TRA2A: variants seen among roughly 807,000 people sequenced by gnomAD.
TRA2A encodes transformer-2 protein homolog alpha.
Under a neutral mutation model 45.7 loss-of-function variants are expected in TRA2A, and 31 were observed. The observed-to-expected ratio is 0.68, with a 90% CI of 0.51 to 0.92. The LOEUF (loss-of-function observed/expected upper bound fraction) is 0.92, where lower values mean the gene tolerates loss of function less well. Ranked by LOEUF, TRA2A falls within the 40% of genes least tolerant of loss-of-function variation. The pLI, the probability that TRA2A is intolerant of heterozygous loss-of-function variation, is 0.00. For missense variants in TRA2A, 304 were observed against 367.5 expected (o/e 0.83, Z 1.41); for synonymous variants, 132 against 126.2 (o/e 1.05, Z -0.31).
intron 1 of TRA2A, 130 bp downstream of exon 1, chr7:23,531,659 G>A (rs1194346652): frequency 2.2e-6 from 2 of 925,394 alleles, no homozygotes; most frequent in Admixed American, 2.2e-5. Flanking sequence ...GGGATGGGAG[G>A]AATCAATCGC....
At chr7:23,507,576 G>T in intron 4 of TRA2A, 41 bp from the exon 5 acceptor site, 1 of 1,349,230 alleles carries the variant, frequency 7.4e-7, no homozygotes, top group Non-Finnish European at 1.1e-6. Context: ...TAATTCACCA[G>T]TCTTGAAGTA....
At chr7:23,511,245 T>C (rs1243876101) in intron 4 of TRA2A, among the ~76,000 whole-genome samples, 1 of 150,688 alleles carries the variant, frequency 6.6e-6, no homozygotes, top group Admixed American at 6.6e-5. Flanking sequence ...GTGGCGGGCG[T>C]CTGTAGTCCC....
intron 3 of TRA2A, among the ~76,000 whole-genome samples, chr7:23,514,568 T>G (rs576931801): frequency 1.3e-5 from 2 of 152,152 alleles, no homozygotes; most frequent in Non-Finnish European, 2.9e-5. Flanking sequence ...TCTGTAATTG[T>G]TGATTTAGAC....
intron 1 of TRA2A, chr7:23,531,162 G>A: frequency 2.1e-6 from 2 of 965,094 alleles, no homozygotes; most frequent in Non-Finnish European, 2.5e-6. Flanking sequence ...CTTAAGGGTC[G>A]GTGCGGTCGT....
chr7:23,520,488 G>C (rs972166133), intron 2 of TRA2A, among the ~76,000 whole-genome samples: 2 of 152,148 alleles, frequency 1.3e-5, no homozygotes, highest in Non-Finnish European at 1.5e-5. Context: ...TAACTGAGTA[G>C]TAAGTAATCA....
intron 4 of TRA2A, 121 bp downstream of exon 4, chr7:23,512,773 T>TAA (rs201252500): frequency 9.5e-4 from 668 of 703,914 alleles, no homozygotes; most frequent in East Asian, 3.6e-3. Context: ...ATCCTATCTT[T>TAA]AAAAAAAAAA....
chr7:23,506,360 A>G, intron 5 of TRA2A, 94 bp from the exon 6 acceptor site: 4 of 1,364,768 alleles, frequency 2.9e-6, no homozygotes, highest in Non-Finnish European at 2.9e-6. Flanking sequence ...GAGAAAAGTG[A>G]GGAAGAACAT....
chr7:23,517,314 C>G (rs1394061572), intron 2 of TRA2A, among the ~76,000 whole-genome samples: 1 of 149,162 alleles, frequency 6.7e-6, no homozygotes, highest in Non-Finnish European at 1.5e-5. Context: ...AACCCCTCTA[C>G]TAAAAATACA....
chr7:23,531,869 C>T lies in TRA2A; in HGVS notation c.-45G>A, dbSNP rs771418524. 11 of 1,609,298 alleles carry T rather than the reference C, an allele frequency of 6.8e-6. No homozygotes were observed. Among genetic ancestry groups the T allele is most frequent in the Non-Finnish European group, 8.5e-6 (10 of 1,177,572 alleles). On this transcript the variant is annotated 5_prime_UTR_variant, in exon 1 of 8. Coordinates refer to ENST00000297071, the MANE Select transcript of TRA2A (RefSeq NM_013293.5). ...GAACTAAATAAGAGACAAGTCTCGG[C>T]TCGAGGGCCGATGGCCTAATTAACC...
intron 1 of TRA2A, among the ~76,000 whole-genome samples, chr7:23,523,136 C>CCA (rs1264267507): frequency 1.3e-5 from 2 of 152,154 alleles, no homozygotes; most frequent in African/African-American, 4.8e-5. Context: ...CCACGACATA[C>CCA]CACAATGTGC....
intron 5 of TRA2A, 87 bp downstream of exon 5, chr7:23,507,333 T>G: frequency 9.6e-7 from 1 of 1,042,754 alleles, no homozygotes; most frequent in South Asian, 1.4e-5. Context: ...CAATTCTAAT[T>G]ATAGGAAAAA....
chr7:23,521,852 G>C lies in TRA2A; in HGVS notation c.37-12C>G. Reference sequence around the variant, plus strand: ...TGAGAGCGAGACTCCTAACAAAGAAGACAGTATTACAAATGGCACTGGTCA... The same window carrying C: ...TGAGAGCGAGACTCCTAACAAAGAACACAGTATTACAAATGGCACTGGTCA... On this transcript the variant is annotated splice_polypyrimidine_tract_variant and intron_variant, in intron 1 of 7. Coordinates refer to ENST00000297071, the MANE Select transcript of TRA2A (RefSeq NM_013293.5). 6.2e-7 allele frequency: 1 copy of C among 1,614,004 alleles called. No homozygotes were observed.
intron 5 of TRA2A, chr7:23,506,614 A>G (rs1465884847): frequency 4.2e-6 from 1 of 235,302 alleles, no homozygotes; most frequent in East Asian, 8.7e-5. Flanking sequence ...AGACTGGTAA[A>G]TAAATAAATA....
chr7:23,511,496 A>C (rs1299153237), intron 4 of TRA2A, among the ~76,000 whole-genome samples: 4 of 151,454 alleles, frequency 2.6e-5, no homozygotes, highest in African/African-American at 9.7e-5. Context: ...ATTAATTTAA[A>C]AGACAGAAGG....
intron 1 of TRA2A, among the ~76,000 whole-genome samples, chr7:23,528,234 C>T (rs1466504355): frequency 6.6e-6 from 1 of 152,036 alleles, no homozygotes; most frequent in Non-Finnish European, 1.5e-5. Context: ...GTTTTTGAGA[C>T]GAGTCTCGCT....
rs777557247 is a variant in TRA2A at position 23,506,174 on chromosome 7, C to A, written c.734G>T (p.Gly245Val). Residue 245 changes from glycine to valine, a missense_variant, in exon 6 of 8, where the codon GGG (glycine) becomes GTG (valine). By Grantham distance (109) the Gly-to-Val change is moderately radical. Around this residue, in one of 3 missense-constraint regions of TRA2A, gnomAD observed 130 missense variants for 217.1 expected, o/e 0.60. Coordinates refer to ENST00000297071, the MANE Select transcript of TRA2A (RefSeq NM_013293.5). Reference protein sequence around the residue: ...DSYYDRGYDRGYDRYEDYDYR... With the variant: ...DSYYDRGYDRVYDRYEDYDYR... ...ATCATAGTCTTCATATCTGTCATAC[C>A]CACGATCATATCCTCTATCATAGTA... is the stretch of plus-strand genomic sequence containing the variant. The A allele has an allele frequency of 1.2e-6, 2 of 1,613,118 alleles. No homozygotes were observed. The highest frequency in any genetic ancestry group is 1.7e-5 in the Admixed American group (1 of 59,946).
chr7:23,527,993 C>A (rs959761984), intron 1 of TRA2A, among the ~76,000 whole-genome samples: 4 of 151,978 alleles, frequency 2.6e-5, no homozygotes, highest in Non-Finnish European at 4.4e-5. Context: ...AATGATAGTA[C>A]TTAAATTTAG....
At chr7:23,523,018 C>G (rs1259149698) in intron 1 of TRA2A, among the ~76,000 whole-genome samples, 1 of 152,166 alleles carries the variant, frequency 6.6e-6, no homozygotes, top group East Asian at 1.9e-4. Context: ...TGAAGACAAA[C>G]ATACCGAAAA....
At chr7:23,521,645 C>T in intron 2 of TRA2A, 62 bp downstream of exon 2, 1 of 1,580,310 alleles carries the variant, frequency 6.3e-7, no homozygotes, top group Non-Finnish European at 8.6e-7. Context: ...ATGCAGCCAA[C>T]AACTGCTTTG....
Sources: allele counts gnomAD v4.1 joint callset (sites outside exome capture counted in the v4.1 genomes callset), GRCh38; gene constraint gnomAD v4.1.1; regional missense constraint gnomAD v4.1.1; transcripts MANE v1.5; gene names NCBI Gene and HGNC (gene_info 2026-07-23, HGNC 2026-07-21).